Variants in LTO1 observed in about 807,000 individuals in gnomAD.
The protein encoded by LTO1 is LTO1 maturation factor of ABCE1, also known as protein LTO1 homolog.
Under a neutral mutation model 19.8 loss-of-function variants are expected in LTO1, and 18 were observed. That is an observed-to-expected ratio of 0.91 (90% CI 0.63 to 1.35). The LOEUF (loss-of-function observed/expected upper bound fraction) is 1.35, where lower values mean the gene tolerates loss of function less well. LTO1 is among the 40% of genes most tolerant of loss of function. The probability of loss-of-function intolerance (pLI) is 0.00; values close to 1 mark genes in which losing one functional copy is unlikely to be tolerated. For synonymous variants in LTO1, 59 were observed against 59.6 expected (o/e 0.99, Z 0.05); for missense variants, 175 against 167.9 (o/e 1.04, Z -0.23).
At position 69,667,512 on chromosome 11, in the gene LTO1, A is replaced by C. The variant is rs1856050038; in HGVS notation, c.*7T>G. On this transcript the variant is annotated 3_prime_UTR_variant, in exon 5 of 5. Transcript: ENST00000279147. ...CTCGACGTTCGGTCTCTGTTCATCC[A>C]TCCTCCTCAAAATGAAAGTCCGGAA... 5.0e-6 allele frequency: 8 copies of C among 1,586,216 alleles called. No homozygotes were observed. Among genetic ancestry groups the C allele is most frequent in the Non-Finnish European group, 6.9e-6 (8 of 1,154,484 alleles).
intron 4 of LTO1, 71 bp from the exon 5 acceptor site, chr11:69,667,658 C>A: frequency 1.8e-6 from 2 of 1,098,960 alleles, no homozygotes; most frequent in South Asian, 1.3e-5. Flanking sequence ...ATAACTCTAT[C>A]TCTAGCTATA....
chr11:69,670,778 G>A (rs1283376179), intron 3 of LTO1, among the ~76,000 whole-genome samples: 1 of 152,242 alleles, frequency 6.6e-6, no homozygotes, highest in Non-Finnish European at 1.5e-5. Flanking sequence ...CGCGCTTGCT[G>A]CTGCCCATGA....
At chr11:69,667,861 G>T in intron 4 of LTO1, 34 bp downstream of exon 4, 1 of 1,047,186 alleles carries the variant, frequency 9.5e-7, no homozygotes, top group Non-Finnish European at 1.5e-6. Flanking sequence ...GCAATCAGGT[G>T]CTCCTAGCAG....
At chr11:69,671,614 A>T (rs1342164535) in intron 3 of LTO1, 135 bp downstream of exon 3, 1 of 666,758 alleles carries the variant, frequency 1.5e-6, no homozygotes, top group African/African-American at 1.8e-5. Flanking sequence ...AACAACACTC[A>T]AGCTTGACAC....
At chr11:69,673,435 G>A (rs1856141062) in intron 1 of LTO1, 114 bp from the exon 2 acceptor site, 1 of 689,044 alleles carries the variant, frequency 1.5e-6, no homozygotes, top group East Asian at 2.6e-5. Flanking sequence ...AGTAAAGGAG[G>A]AAAAGCCTAA....
In LTO1 at chr11:69,667,943, G is replaced by GT. The variant is rs1856056084; in HGVS notation, c.296dup (p.Tyr99Ter). Residue 99 changes from tyrosine (Y) to a stop codon, truncating the protein, a stop_gained and frameshift_variant, in exon 4 of 5, where the codon TAC becomes TAAC. Coordinates refer to ENST00000279147, the MANE Select transcript of LTO1 (RefSeq NM_153451.3). LOFTEE classifies it high-confidence loss of function. ...IQKFPYDDPT[Y>*]DKLHEDLDKI... ...TGTCTAAGTCTTCATGGAGTTTATC[G>GT]TAAGTAGGGTCATCATAAGGGAATT... 1.3e-6 allele frequency: 2 copies of GT among 1,593,572 alleles called. No homozygotes were observed. Among genetic ancestry groups the GT allele is most frequent in the East Asian group, 2.2e-5 (1 of 44,800 alleles).
Position 69,675,322 on chromosome 11 carries a change from G to A in LTO1, c.-83C>T, listed in dbSNP as rs528648622. The A allele has an allele frequency of 1.3e-4, 150 of 1,166,796 alleles. No individual in the cohort carries two copies. In the African/African-American group the frequency reaches 1.4e-3, roughly 11 times the overall value. The allele number at this position is 1,166,796 out of a possible 1,614,324, so 72.3% of individuals were successfully genotyped here. On this transcript the variant is annotated 5_prime_UTR_variant, in exon 1 of 5. Transcript: ENST00000279147. The stretch of plus-strand genomic sequence containing the variant: ...AGACCCGGCAGCTTCAGGCACAAAT[G>A]CTCCGCTTGGGAGGAGACGAGACCC...
In LTO1 at chr11:69,675,254, C is replaced by T. The variant is rs576067444; in HGVS notation, c.-15G>A. The T allele has an allele frequency of 6.8e-5, 101 of 1,486,714 alleles. No homozygotes were observed. In the South Asian group the frequency reaches 1.3e-3, roughly 19 times the overall value. 92.1% of individuals were successfully genotyped at this position (1,486,714 alleles called of 1,614,324 possible). A position where few individuals can be genotyped will look rare whatever the true frequency, so the allele number is the denominator to read the frequency against. ...CTGCCAGCCATAGCGGCAAGCAGCCCGCCCTTGGCCCCCGGGTTTCTGCAG... is the reference window on the plus strand; with the variant it reads ...CTGCCAGCCATAGCGGCAAGCAGCCTGCCCTTGGCCCCCGGGTTTCTGCAG... On this transcript the variant is annotated 5_prime_UTR_variant, in exon 1 of 5. Transcript: ENST00000279147.
intron 1 of LTO1, among the ~76,000 whole-genome samples, chr11:69,674,107 C>A (rs555757319): frequency 8.8e-4 from 134 of 152,286 alleles, no homozygotes; most frequent in African/African-American, 3.2e-3. Flanking sequence ...CCCGCCTCGG[C>A]CTCCCAAAGT....
At chr11:69,672,514 G>C (rs1048075980) in intron 2 of LTO1, 1 of 154,804 alleles carries the variant, frequency 6.5e-6, no homozygotes, top group Admixed American at 6.1e-5. Context: ...CTAGGACAAA[G>C]GGCAAGAAGA....
intron 3 of LTO1, among the ~76,000 whole-genome samples, chr11:69,669,750 G>A (rs893028276): frequency 5.9e-5 from 9 of 152,304 alleles, no homozygotes; most frequent in African/African-American, 9.6e-5. Flanking sequence ...GCCCCGGTGC[G>A]CGCTGGTCTG....
intron 4 of LTO1, 140 bp downstream of exon 4, chr11:69,667,755 A>G (rs1049389888): frequency 3.9e-5 from 28 of 710,076 alleles, no homozygotes; most frequent in Non-Finnish European, 6.7e-5. Flanking sequence ...CTGCGACTCA[A>G]GGATGAGGCG....
rs57287425 is a variant in LTO1, at chr11:69,670,018, C to CA, written c.227+1730dup. Among the ~76,000 whole-genome samples, 916 of 143,784 alleles carry CA rather than the reference C, an allele frequency of 6.4e-3. 12 individuals carry two copies. The highest frequency in any genetic ancestry group is 0.027 in the Admixed American group (389 of 14,374). The allele number at this position is 143,784 out of a possible 152,430, so 94.3% of individuals were successfully genotyped here. On this transcript the variant is annotated intron_variant, in intron 3 of 4. Transcript: ENST00000279147. The stretch of plus-strand genomic sequence containing the variant: ...TCACCATTTAAAAAAAAACAAAAAA[C>CA]AAAAAAAAAAACCTGACATGTAAGA...
chr11:69,675,136 G>A (rs765782751), intron 1 of LTO1, 54 bp downstream of exon 1: 11 of 1,546,206 alleles, frequency 7.1e-6, no homozygotes, highest in African/African-American at 1.4e-5. Flanking sequence ...CGGCGGCGAA[G>A]CCGCTGGGAG....
Position 69,671,404 on chromosome 11 carries a change from T to C in LTO1, c.227+345A>G. 3 of 214,080 alleles carry C rather than the reference T, an allele frequency of 1.4e-5. No homozygotes were observed. The Admixed American group carries it at 1.5e-4, about 11-fold the overall frequency. 13.3% of individuals were successfully genotyped at this position (214,080 alleles called of 1,614,324 possible). A position where few individuals can be genotyped will look rare whatever the true frequency, so the allele number is the denominator to read the frequency against. On this transcript the variant is annotated intron_variant, in intron 3 of 4. Coordinates refer to ENST00000279147, the MANE Select transcript of LTO1 (RefSeq NM_153451.3). ...CTGTTATAATTTGTTTATTAGAAGC[T>C]CAGGGGAAAGGTGAATGAGAAAATA... is the stretch of plus-strand genomic sequence containing the variant.
At position 69,667,300 on chromosome 11, in the gene LTO1, A is replaced by C; in HGVS notation, c.*219T>G. ...CGAGGGCTCTGCCAGGGACGGCTTC[A>C]GCCCAACAAAGGGCATGTGTGGCGA... On this transcript the variant is annotated 3_prime_UTR_variant, in exon 5 of 5. Coordinates refer to ENST00000279147, the MANE Select transcript of LTO1 (RefSeq NM_153451.3). 1.7e-6 allele frequency: 1 copy of C among 578,448 alleles called. No individual in the cohort carries two copies. The highest frequency in any genetic ancestry group is 3.1e-6 in the Non-Finnish European group (1 of 326,900). The allele number at this position is 578,448 out of a possible 1,614,324, so 35.8% of individuals were successfully genotyped here.
Position 69,667,932 on chromosome 11 carries a change from T to C in LTO1, c.308A>G (p.His103Arg), listed in dbSNP as rs754913956. 17 of 1,582,166 alleles carry C rather than the reference T, an allele frequency of 1.1e-5. No individual in the cohort carries two copies. The highest frequency in any genetic ancestry group is 4.4e-5 in the South Asian group (4 of 90,434). The change falls in exon 4 of 5, where the codon CAT (histidine) becomes CGT (arginine). Residue 103 changes from histidine to arginine, a missense_variant. By Grantham distance (29) the His-to-Arg change is conservative. Coordinates refer to ENST00000279147, the MANE Select transcript of LTO1 (RefSeq NM_153451.3). Reference sequence around the variant, plus strand: ...TCCTCTGATCTTGTCTAAGTCTTCATGGAGTTTATCGTAAGTAGGGTCATC... The same window carrying C: ...TCCTCTGATCTTGTCTAAGTCTTCACGGAGTTTATCGTAAGTAGGGTCATC... Reference protein sequence around the residue: ...PYDDPTYDKLHEDLDKIRGKF... With the variant: ...PYDDPTYDKLREDLDKIRGKF...
chr11:69,672,729 G>C (rs1856124536), intron 2 of LTO1: 1 of 240,788 alleles, frequency 4.2e-6, no homozygotes, highest in Non-Finnish European at 8.4e-6. Flanking sequence ...ATGCACTCTT[G>C]GTTCTGTACT....
intron 2 of LTO1, chr11:69,672,211 C>T: frequency 5.1e-6 from 1 of 195,668 alleles, no homozygotes; most frequent in Admixed American, 5.3e-5. Flanking sequence ...CAAGCAGCCC[C>T]ATGGAGACGT....
Sources: gnomAD v4.1 joint callset for allele counts (sites outside exome capture counted in the v4.1 genomes callset) on GRCh38, gnomAD v4.1.1 for gene constraint, MANE v1.5 for transcripts, NCBI Gene and HGNC (gene_info 2026-07-23, HGNC 2026-07-21) for gene names.